CBLN2: variants seen among roughly 807,000 people sequenced by gnomAD.
CBLN2 encodes cerebellin 2 precursor.
CBLN2 carries 7 observed loss-of-function variants against 15.0 expected under a neutral mutation model. The ratio of observed to expected loss-of-function variants is 0.47; its 90% confidence interval spans 0.27 to 0.88. The LOEUF (loss-of-function observed/expected upper bound fraction) is 0.88. Among genes scored for constraint, CBLN2 ranks in the 40% least tolerant of loss-of-function variants. The pLI is 0.14. For missense variants in CBLN2, 242 were observed against 304.5 expected (o/e 0.79, Z 1.53); for synonymous variants, 149 against 135.2 (o/e 1.10, Z -0.71).
At chr18:72,567,379 G>C (rs1009485150) in intron 1 of CBLN2, among the ~76,000 whole-genome samples, 2 of 152,110 alleles carry the variant, frequency 1.3e-5, no homozygotes, top group African/African-American at 4.8e-5. Context: ...TATGTGAGTG[G>C]TTTGGAAGCT....
intron 3 of CBLN2, among the ~76,000 whole-genome samples, chr18:72,540,839 G>C (rs886105539): frequency 1.2e-4 from 19 of 152,318 alleles, no homozygotes; most frequent in Admixed American, 5.2e-4. Context: ...CGTACAGTAA[G>C]CCCTGGTAGG....
chr18:72,603,346 C>T (rs1333745264), intron 1 of CBLN2, among the ~76,000 whole-genome samples: 2 of 152,158 alleles, frequency 1.3e-5, no homozygotes, highest in African/African-American at 2.4e-5. Context: ...CTTCATTTTT[C>T]AGGTTTTAAT....
chr18:72,613,757 C>T (rs13381576), intron 1 of CBLN2, among the ~76,000 whole-genome samples: 31,726 of 152,040 alleles, frequency 0.21, 5,114 homozygotes, highest in African/African-American at 0.46. Context: ...TTTATTTACA[C>T]GTTTTCCTGA....
Position 72,576,913 on chromosome 18 carries a change from T to C in CBLN2, c.16-38141A>G, listed in dbSNP as rs536439716. On this transcript the variant is annotated intron_variant, in intron 1 of 2. Transcript: ENST00000581073. ...TATAAAATTAGTGTGTATATATACA[T>C]TTATTTTCATTCTAGAATTTTATAT... 2.0e-5 allele frequency among the ~76,000 whole-genome samples: 3 copies of C among 148,194 alleles called. No individual in the cohort carries two copies. The South Asian group carries it at 6.3e-4, about 31-fold the overall frequency.
chr18:72,552,587 G>T (rs1486315049), intron 1 of CBLN2: 2 of 152,072 alleles, frequency 1.3e-5, no homozygotes, highest in Non-Finnish European at 2.9e-5. Flanking sequence ...TGAAGTGAAA[G>T]CCAGTGACAT....
chr18:72,538,026 C>T lies in CBLN2; in HGVS notation c.*150G>A, dbSNP rs551079563. 13 of 754,964 alleles carry T rather than the reference C, an allele frequency of 1.7e-5. No homozygotes were observed. The African/African-American group carries it at 2.1e-4, about 12-fold the overall frequency. The allele number at this position is 754,964 out of a possible 1,614,324, so 46.8% of individuals were successfully genotyped here. A position where few individuals can be genotyped will look rare whatever the true frequency, so the allele number is the denominator to read the frequency against. ...ATTCCAAAAAACAAAAACAAAAGTA[C>T]TGGAGGTTTCAAAGGAAATCATTCT... is the stretch of plus-strand genomic sequence containing the variant. On this transcript the variant is annotated 3_prime_UTR_variant, in exon 5 of 5. Coordinates refer to ENST00000269503, the MANE Select transcript of CBLN2 (RefSeq NM_182511.4).
chr18:72,579,332 T>A (rs896552266), intron 1 of CBLN2, among the ~76,000 whole-genome samples: 1 of 152,352 alleles, frequency 6.6e-6, no homozygotes, highest in Admixed American at 6.5e-5. Flanking sequence ...AATGATTTAT[T>A]TGCTTGATTT....
intron 1 of CBLN2, among the ~76,000 whole-genome samples, chr18:72,565,017 G>A (rs376557983): frequency 1.3e-5 from 2 of 152,104 alleles, no homozygotes; most frequent in Non-Finnish European, 2.9e-5. Flanking sequence ...AAAATCTGTC[G>A]GCCAAGAATA....
At chr18:72,632,520 TG>T (rs751749300) in intron 1 of CBLN2, among the ~76,000 whole-genome samples, 3 of 152,204 alleles carry the variant, frequency 2.0e-5, no homozygotes, top group Non-Finnish European at 2.9e-5. Flanking sequence ...CTTCATGCTG[TG>T]AACTTTGTCT....
Position 72,538,236 on chromosome 18 carries a change from G to A in CBLN2, c.615C>T (p.Gly205=). The part of the protein sequence containing the change: ...EDKVHLKLER[G]NLMGGWKYST... ...AGTATTTCCAGCCCCCCATGAGGTT[G>A]CCTCTCTCAAGTTTGAGATGCACTT... is the stretch of plus-strand genomic sequence containing the variant. Residue 205 remains glycine (G), a synonymous_variant, in exon 5 of 5, where the codon GGC becomes GGT. Transcript: ENST00000269503. 6.2e-7 allele frequency: 1 copy of A among 1,614,072 alleles called. No homozygotes were observed. Among genetic ancestry groups the A allele is most frequent in the Non-Finnish European group, 8.5e-7 (1 of 1,180,014 alleles).
chr18:72,586,620 G>C (rs968300344), intron 1 of CBLN2, among the ~76,000 whole-genome samples: 3 of 152,094 alleles, frequency 2.0e-5, no homozygotes, highest in Admixed American at 2.0e-4. Flanking sequence ...AGCCAAACTT[G>C]AACATTTTAT....
At chr18:72,573,378 T>C (rs750495505) in intron 1 of CBLN2, among the ~76,000 whole-genome samples, 3 of 152,210 alleles carry the variant, frequency 2.0e-5, no homozygotes, top group Non-Finnish European at 4.4e-5. Context: ...AGTAGGAGTG[T>C]CACACAGAAT....
chr18:72,591,933 T>C (rs1200616523), intron 1 of CBLN2, among the ~76,000 whole-genome samples: 4 of 152,214 alleles, frequency 2.6e-5, no homozygotes, highest in Non-Finnish European at 5.9e-5. Context: ...AAATACTGTC[T>C]ATTGTGAATA....
Position 72,537,279 on chromosome 18 carries a change from T to A in CBLN2, c.*897A>T, listed in dbSNP as rs948234661. 4 of 152,198 alleles carry A rather than the reference T, an allele frequency of 2.6e-5. No homozygotes were observed. Among genetic ancestry groups the A allele is most frequent in the African/African-American group, 9.6e-5 (4 of 41,456 alleles). 9.4% of individuals were successfully genotyped at this position (152,198 alleles called of 1,614,324 possible). ...AAAAATGCAGGTTGCTATTAATAGTTCTAAAGGTGCATCTTAGAATCTCTT... is the reference window on the plus strand; with the variant it reads ...AAAAATGCAGGTTGCTATTAATAGTACTAAAGGTGCATCTTAGAATCTCTT... On this transcript the variant is annotated 3_prime_UTR_variant, in exon 5 of 5. Coordinates refer to ENST00000269503, the MANE Select transcript of CBLN2 (RefSeq NM_182511.4).
chr18:72,568,758 T>C (rs1040684956), intron 1 of CBLN2, among the ~76,000 whole-genome samples: 1 of 152,214 alleles, frequency 6.6e-6, no homozygotes, highest in Admixed American at 6.5e-5. Flanking sequence ...GTTAGGTCCA[T>C]GGCTTGAAAT....
intron 1 of CBLN2, among the ~76,000 whole-genome samples, chr18:72,591,740 C>T (rs977896387): frequency 2.6e-5 from 4 of 152,102 alleles, no homozygotes; most frequent in African/African-American, 7.2e-5. Flanking sequence ...TAAGTGAGAC[C>T]ATACAAAGTT....
rs142719565 is a variant in CBLN2 at position 72,556,788 on chromosome 18, G to A, written c.16-18016C>T. 3.2e-4 allele frequency among the ~76,000 whole-genome samples: 48 copies of A among 152,108 alleles called. No homozygotes were observed. The East Asian group carries it at 4.8e-3, about 15-fold the overall frequency. On this transcript the variant is annotated intron_variant, in intron 1 of 2. Coordinates refer to the CBLN2 transcript ENST00000581073. The stretch of plus-strand genomic sequence containing the variant: ...AATTACTGATAGGTAGATTCTCAGC[G>A]TATTATGATGCCCAGGAGTGGAAAG...
intron 1 of CBLN2, among the ~76,000 whole-genome samples, chr18:72,592,869 C>T (rs565489519): frequency 1.5e-4 from 23 of 152,024 alleles, no homozygotes; most frequent in Non-Finnish European, 1.9e-4. Flanking sequence ...TATACCACTA[C>T]CGTGTTGTTT....
chr18:72,577,842 C>T (rs2069378104), intron 1 of CBLN2, among the ~76,000 whole-genome samples: 1 of 152,142 alleles, frequency 6.6e-6, no homozygotes, highest in Non-Finnish European at 1.5e-5. Flanking sequence ...ATAGTTTGTA[C>T]TAAGAATTAT....
Sources: allele counts gnomAD v4.1 joint callset (sites outside exome capture counted in the v4.1 genomes callset), GRCh38; gene constraint gnomAD v4.1.1; transcripts MANE v1.5; gene names NCBI Gene and HGNC (gene_info 2026-07-23, HGNC 2026-07-21).